The following CHD9 variants were observed in gnomAD, a reference collection of about 807,000 sequenced individuals.
The protein encoded by CHD9 is chromodomain helicase DNA binding protein 9, also known as ATP-dependent chromatin remodeler CHD9.
A neutral mutation model predicts 316.1 loss-of-function variants in CHD9; 77 were observed. The ratio of observed to expected loss-of-function variants is 0.24; its 90% CI spans 0.20 to 0.29. The LOEUF (loss-of-function observed/expected upper bound fraction) is 0.29. CHD9 is among the 10% of genes least tolerant of loss of function. The pLI, the probability that CHD9 is intolerant of heterozygous loss-of-function variation, is 1.00. For synonymous variants in CHD9, 1,129 were observed against 1,158.3 expected, an observed-to-expected ratio of 0.97 and a Z score of 0.51; for missense variants, 2,763 against 3,438.1, an observed-to-expected ratio of 0.80 and a Z score of 4.91.
intron 17 of CHD9, among the ~76,000 whole-genome samples, chr16:53,251,105 A>C (rs532060287): frequency 1.3e-5 from 2 of 152,358 alleles, no homozygotes; most frequent in African/African-American, 4.8e-5. Context: ...GGAAGGCTCA[A>C]TTAGTAAATA....
chr16:53,129,218 G>A (rs1270895683), intron 1 of CHD9, among the ~76,000 whole-genome samples: 3 of 152,196 alleles, frequency 2.0e-5, no homozygotes, highest in Admixed American at 1.3e-4. Flanking sequence ...TGGGGAGGCC[G>A]CTCAAGTTTT....
chr16:53,064,691 A>C (rs898509606), intron 1 of CHD9, among the ~76,000 whole-genome samples: 1 of 152,114 alleles, frequency 6.6e-6, no homozygotes, highest in Non-Finnish European at 1.5e-5. Flanking sequence ...ATCACAAGGG[A>C]GGCTGGGCAC....
chr16:53,215,535 G>A (rs1434212262), intron 3 of CHD9, among the ~76,000 whole-genome samples: 2 of 152,088 alleles, frequency 1.3e-5, no homozygotes, highest in African/African-American at 4.8e-5. Context: ...GCGTGTGTAT[G>A]TGTGTGTGTG....
At chr16:53,193,456 G>GA (rs139226781) in intron 2 of CHD9, among the ~76,000 whole-genome samples, 27 of 147,732 alleles carry the variant, frequency 1.8e-4, no homozygotes, top group Admixed American at 4.7e-4. Context: ...CCCAAAATAA[G>GA]AAAAAAAAAA....
intron 17 of CHD9, among the ~76,000 whole-genome samples, chr16:53,254,066 A>G (rs1055802766): frequency 6.6e-6 from 1 of 152,014 alleles, no homozygotes; most frequent in Non-Finnish European, 1.5e-5. Flanking sequence ...AATCCCAGCT[A>G]CTCAGGAGGC....
intron 4 of CHD9, among the ~76,000 whole-genome samples, chr16:53,223,167 C>T (rs573256581): frequency 1.3e-5 from 2 of 151,664 alleles, no homozygotes; most frequent in African/African-American, 4.8e-5. Context: ...GAAATAATTC[C>T]TTTGGTCTGT....
chr16:53,248,013 A>G (rs941152373), intron 16 of CHD9: 3 of 152,614 alleles, frequency 2.0e-5, no homozygotes, highest in African/African-American at 7.3e-5. Flanking sequence ...TTGGTACATC[A>G]CAATAAGATA....
chr16:53,255,748 A>C lies in CHD9; in HGVS notation c.4178A>C (p.Glu1393Ala). The C allele has an allele frequency of 6.2e-7, 1 of 1,613,862 alleles. No individual in the cohort carries two copies. Among genetic ancestry groups the C allele is most frequent in the South Asian group, 1.1e-5 (1 of 91,082 alleles). Residue 1393 changes from glutamate to alanine, a missense_variant, in exon 19 of 39, where the codon GAA becomes GCA. Physicochemically the swap from Glu to Ala is moderately radical, Grantham distance 107. This residue lies in a region of CHD9 where 199 missense variants were observed against 251.7 expected (regional missense o/e 0.79). Coordinates refer to ENST00000447540, the MANE Select transcript of CHD9 (RefSeq NM_001308319.2). ...LLRRTKTITIESEGRGSTFAK... is the reference protein window; with the variant it reads ...LLRRTKTITIASEGRGSTFAK... ...CGTCGTACAAAAACTATTACAATTGAATCAGAAGGACGTGGGTCAACATTT... is the reference window on the plus strand; with the variant it reads ...CGTCGTACAAAAACTATTACAATTGCATCAGAAGGACGTGGGTCAACATTT...
chr16:53,270,161 A>ATTTTT (rs757513307), intron 22 of CHD9, among the ~76,000 whole-genome samples: 1 of 118,606 alleles, frequency 8.4e-6, no homozygotes, highest in Non-Finnish European at 1.7e-5. Context: ...CACCTGGCTA[A>ATTTTT]TTTTTTTTTT....
Position 53,307,833 on chromosome 16 carries a change from C to A in CHD9, c.6933C>A (p.Ser2311Arg). 4 of 1,613,686 alleles carry A rather than the reference C, an allele frequency of 2.5e-6. No homozygotes were observed. Among genetic ancestry groups the A allele is most frequent in the Non-Finnish European group, 3.4e-6 (4 of 1,179,792 alleles). The part of the protein sequence containing the change: ...LDSPGAATEY[S>R]DPSVPTPPGA... ...GCCCTGGAGCAGCTACAGAATACAG[C>A]GATCCCAGTGTACCCACTCCCCCAG... The change falls in exon 33 of 39, where the codon AGC (serine) becomes AGA (arginine). Residue 2311 changes from serine (S) to arginine (R), a missense_variant. This residue lies in a region of CHD9 where 663 missense variants were observed against 751.2 expected (regional missense o/e 0.88). Coordinates refer to ENST00000447540, the MANE Select transcript of CHD9 (RefSeq NM_001308319.2).
intron 29 of CHD9, among the ~76,000 whole-genome samples, chr16:53,296,164 C>T (rs908086719): frequency 6.6e-6 from 1 of 152,144 alleles, no homozygotes; most frequent in South Asian, 2.1e-4. Flanking sequence ...TGAACTGATC[C>T]TTCTATCTTC....
intron 2 of CHD9, among the ~76,000 whole-genome samples, chr16:53,200,771 A>G (rs896487891): frequency 6.6e-6 from 1 of 152,234 alleles, no homozygotes; most frequent in African/African-American, 2.4e-5. Context: ...AGACATTTAC[A>G]TGGAGAATAA....
rs776211875 is a variant in CHD9 at position 53,308,792 on chromosome 16, G to A, written c.7160G>A (p.Arg2387Gln). The stretch of plus-strand genomic sequence containing the variant: ...CAGCAGCAGTACCTCACTCGGCTTC[G>A]AGAGCTTCAAAGTGCATCAGAGACC... ...LGQQQYLTRL[R>Q]ELQSASETSL... The change falls in exon 34 of 39, where the codon CGA becomes CAA. Residue 2387 changes from arginine (R) to glutamine (Q), a missense_variant. Physicochemically the swap from Arg to Gln is conservative, Grantham distance 43. This residue lies in a region of CHD9 where 663 missense variants were observed against 751.2 expected (regional missense o/e 0.88). Coordinates refer to ENST00000447540, the MANE Select transcript of CHD9 (RefSeq NM_001308319.2). 18 of 1,613,568 alleles carry A rather than the reference G, an allele frequency of 1.1e-5. No individual in the cohort carries two copies. The highest frequency in any genetic ancestry group is 9.9e-5 in the South Asian group (9 of 90,990).
At chr16:53,226,279 CA>C in intron 4 of CHD9, 86 bp from the exon 5 acceptor site, 1 of 841,356 alleles carries the variant, frequency 1.2e-6, no homozygotes. Context: ...ATTTAATATA[CA>C]AAATTGCCAA....
intron 31 of CHD9, among the ~76,000 whole-genome samples, chr16:53,305,885 GT>G (rs1234386415): frequency 6.6e-6 from 1 of 152,154 alleles, no homozygotes; most frequent in Non-Finnish European, 1.5e-5. Context: ...GGTATTTATA[GT>G]TCTGCCAATC....
At position 53,215,979 on chromosome 16, in the gene CHD9, G is replaced by A. The variant is rs1379317446; in HGVS notation, c.1784+6166G>A. 3.3e-5 allele frequency among the ~76,000 whole-genome samples: 5 copies of A among 152,176 alleles called. 1 individual carries two copies. The South Asian group carries it at 8.3e-4, about 25-fold the overall frequency. ...AAACATCCTATGTTTTGATATTTAGGTTTTTTCCTTGCCTGAGTATCTGTT... is the reference window on the plus strand; with the variant it reads ...AAACATCCTATGTTTTGATATTTAGATTTTTTCCTTGCCTGAGTATCTGTT... On this transcript the variant is annotated intron_variant, in intron 3 of 38. Coordinates refer to ENST00000447540, the MANE Select transcript of CHD9 (RefSeq NM_001308319.2).
chr16:53,116,608 G>A (rs559828660), intron 1 of CHD9, among the ~76,000 whole-genome samples: 88 of 152,256 alleles, frequency 5.8e-4, no homozygotes, highest in African/African-American at 1.9e-3. Flanking sequence ...AGATAGGAAC[G>A]TTTTTACACT....
At chr16:53,227,314 G>A (rs2047742010) in intron 5 of CHD9, 82 bp from the exon 6 acceptor site, 1 of 800,998 alleles carries the variant, frequency 1.2e-6, no homozygotes, top group Non-Finnish European at 2.0e-6. Flanking sequence ...TTGAATTGTA[G>A]TATGTTCATC....
intron 20 of CHD9, among the ~76,000 whole-genome samples, chr16:53,266,580 C>T (rs1257334960): frequency 6.6e-6 from 1 of 152,148 alleles, no homozygotes; most frequent in East Asian, 1.9e-4. Flanking sequence ...TAAAAAATTT[C>T]ATCCCAAATA....
Sources: allele counts gnomAD v4.1 joint callset (sites outside exome capture counted in the v4.1 genomes callset), GRCh38; gene constraint gnomAD v4.1.1; regional missense constraint gnomAD v4.1.1; transcripts MANE v1.5; gene names NCBI Gene and HGNC (gene_info 2026-07-23, HGNC 2026-07-21).